Variants in CORIN observed in about 807,000 individuals in gnomAD.
The protein encoded by CORIN is corin, serine peptidase.
In CORIN, 117 loss-of-function variants were observed where a neutral mutation model predicts 125.3. The ratio of observed to expected loss-of-function variants is 0.93; its 90% confidence interval spans 0.80 to 1.09. The LOEUF (loss-of-function observed/expected upper bound fraction) is 1.09, where lower values mean the gene tolerates loss of function less well. CORIN is among the 50% of genes least tolerant of loss of function. The pLI, the probability that CORIN is intolerant of heterozygous loss-of-function variation, is 0.00. For synonymous variants in CORIN, 450 were observed against 466.4 expected, an observed-to-expected ratio of 0.96 and a Z score of 0.45; for missense variants, 1,253 against 1,306.7, an observed-to-expected ratio of 0.96 and a Z score of 0.63.
intron 20 of CORIN, 77 bp from the exon 21 acceptor site, chr4:47,600,424 A>G (rs1215278788): frequency 1.1e-6 from 1 of 899,380 alleles, no homozygotes; most frequent in Non-Finnish European, 1.6e-6. Context: ...CTAGCCAAAT[A>G]TGAAATGCAA....
rs1195981483 is a variant in CORIN, at chr4:47,832,982, A to G, written c.63+4905T>C. On this transcript the variant is annotated intron_variant, in intron 1 of 21. Coordinates refer to ENST00000273857, the MANE Select transcript of CORIN (RefSeq NM_006587.4). ...ACCACAATTGGCTAAGAGCTACTCC[A>G]TTGCATCACATGGCTCTAGAGTCAC... 2.0e-5 allele frequency among the ~76,000 whole-genome samples: 3 copies of G among 152,194 alleles called. No individual in the cohort carries two copies. In the East Asian group the frequency reaches 5.8e-4, roughly 29 times the overall value.
rs1023357003 is a variant in CORIN at position 47,706,333 on chromosome 4, T to C, written c.800-13250A>G. 10 of 1,473,818 alleles carry C rather than the reference T, an allele frequency of 6.8e-6. No homozygotes were observed. The African/African-American group carries it at 9.7e-5, about 14-fold the overall frequency. The allele number at this position is 1,473,818 out of a possible 1,614,324, so 91.3% of individuals were successfully genotyped here. A position where few individuals can be genotyped will look rare whatever the true frequency, so the allele number is the denominator to read the frequency against. On this transcript the variant is annotated intron_variant, in intron 5 of 21. Coordinates refer to ENST00000273857, the MANE Select transcript of CORIN (RefSeq NM_006587.4). Reference sequence around the variant, plus strand: ...GGACTTTCAAGAAAACTACCAACTTTTGCCTTTCCGTCTGGCGGCAGCCAT... The same window carrying C: ...GGACTTTCAAGAAAACTACCAACTTCTGCCTTTCCGTCTGGCGGCAGCCAT...
At chr4:47,757,878 G>GTGTGTATATATATATATA (rs754526773) in intron 4 of CORIN, among the ~76,000 whole-genome samples, 1 of 123,914 alleles carries the variant, frequency 8.1e-6, no homozygotes, top group African/African-American at 3.3e-5. Context: ...ATATATATAT[G>GTGTGTATATATATATATA]TATATATATA....
intron 5 of CORIN, among the ~76,000 whole-genome samples, chr4:47,714,045 TACCAATGGAACTGGGTTCAAGC>T (rs1057009814): frequency 3.3e-5 from 5 of 152,176 alleles, no homozygotes; most frequent in African/African-American, 7.2e-5. Flanking sequence ...CACGGGGTTT[TACCAATGGAACTGGGTTCAAGC>T]ACCAGCTCTG....
chr4:47,719,351 C>T (rs1264267091), intron 5 of CORIN, among the ~76,000 whole-genome samples: 1 of 152,064 alleles, frequency 6.6e-6, no homozygotes, highest in African/African-American at 2.4e-5. Context: ...AAACAATCCC[C>T]AGCACATAGC....
intron 5 of CORIN, among the ~76,000 whole-genome samples, chr4:47,718,021 G>A (rs1365719598): frequency 6.6e-6 from 1 of 152,146 alleles, no homozygotes; most frequent in South Asian, 2.1e-4. Context: ...GAAGCAAATG[G>A]GCACAGTATT....
At chr4:47,773,348 A>G (rs1408735684) in intron 3 of CORIN, among the ~76,000 whole-genome samples, 1 of 152,198 alleles carries the variant, frequency 6.6e-6, no homozygotes, top group Non-Finnish European at 1.5e-5. Context: ...AGGTGATGAG[A>G]TCTCAGTAGA....
intron 2 of CORIN, among the ~76,000 whole-genome samples, 182 bp from the exon 3 acceptor site, chr4:47,787,107 A>T (rs1277045502): frequency 1.3e-5 from 2 of 152,186 alleles, no homozygotes; most frequent in South Asian, 2.1e-4. Flanking sequence ...CAACCACAAA[A>T]CCAAGAGTTT....
intron 3 of CORIN, among the ~76,000 whole-genome samples, chr4:47,780,770 A>G (rs1277142701): frequency 6.6e-6 from 1 of 152,158 alleles, no homozygotes; most frequent in Admixed American, 6.6e-5. Context: ...CAGAGCAGTT[A>G]AAGGAACAGA....
At chr4:47,770,027 C>CT (rs1729949997) in intron 3 of CORIN, among the ~76,000 whole-genome samples, 1 of 152,000 alleles carries the variant, frequency 6.6e-6, no homozygotes, top group Admixed American at 6.6e-5. Flanking sequence ...TTACATCAAA[C>CT]TAAAAAGCTT....
At chr4:47,621,060 A>G (rs1722289880) in intron 19 of CORIN, among the ~76,000 whole-genome samples, 1 of 152,198 alleles carries the variant, frequency 6.6e-6, no homozygotes, top group African/African-American at 2.4e-5. Context: ...CATTTAAATA[A>G]AGTAAAATTA....
At chr4:47,758,551 A>G (rs534919946) in intron 4 of CORIN, among the ~76,000 whole-genome samples, 1 of 152,366 alleles carries the variant, frequency 6.6e-6, no homozygotes, top group East Asian at 1.9e-4. Flanking sequence ...AGCTGGAGGC[A>G]TCACACTACC....
intron 16 of CORIN, among the ~76,000 whole-genome samples, chr4:47,633,039 C>A (rs551234765): frequency 6.6e-6 from 1 of 152,114 alleles, no homozygotes; most frequent in Admixed American, 6.5e-5. Flanking sequence ...GCCTCAGCCT[C>A]CCAGAGTGCT....
chr4:47,828,339 T>G (rs545312619), intron 1 of CORIN, among the ~76,000 whole-genome samples: 1 of 152,308 alleles, frequency 6.6e-6, no homozygotes, highest in East Asian at 1.9e-4. Flanking sequence ...AACCAAACTT[T>G]GATTAGAAGC....
intron 5 of CORIN, among the ~76,000 whole-genome samples, chr4:47,714,153 A>C (rs1170139146): frequency 6.6e-6 from 1 of 152,238 alleles, no homozygotes; most frequent in African/African-American, 2.4e-5. Context: ...ATGCAGAGTT[A>C]TTTTAAAGAT....
At position 47,734,410 on chromosome 4, in the gene CORIN, C is replaced by T. The variant is rs191462294; in HGVS notation, c.799+9992G>A. ...ACAGTGCCGAATATCTTCACCAGAACACCTTCTTCCGTCCCCTTTGCTAAG... is the reference window on the plus strand; with the variant it reads ...ACAGTGCCGAATATCTTCACCAGAATACCTTCTTCCGTCCCCTTTGCTAAG... On this transcript the variant is annotated intron_variant, in intron 5 of 21. Transcript: ENST00000273857. 1.3e-3 allele frequency among the ~76,000 whole-genome samples: 199 copies of T among 152,328 alleles called. 1 individual carries two copies. The highest frequency in any genetic ancestry group is 4.6e-3 in the African/African-American group (192 of 41,574).
Position 47,819,275 on chromosome 4 carries a change from C to A in CORIN, c.64-12228G>T, listed in dbSNP as rs559226708. Among the ~76,000 whole-genome samples, 7 of 152,210 alleles carry A rather than the reference C, an allele frequency of 4.6e-5. No homozygotes were observed. In the South Asian group the frequency reaches 6.2e-4, roughly 14 times the overall value. ...GCATTCAGCAGACCCAAAATCTACT[C>A]ATATTTCTCACTATGGGAGACTTCA... On this transcript the variant is annotated intron_variant, in intron 1 of 21. Coordinates refer to ENST00000273857, the MANE Select transcript of CORIN (RefSeq NM_006587.4).
chr4:47,697,010 G>C (rs1314788574), intron 5 of CORIN, among the ~76,000 whole-genome samples: 1 of 152,162 alleles, frequency 6.6e-6, no homozygotes, highest in Admixed American at 6.5e-5. Flanking sequence ...CCTCGGAAGA[G>C]AAAGCTGACA....
At chr4:47,760,657 T>C (rs894171056) in intron 4 of CORIN, among the ~76,000 whole-genome samples, 18 of 152,318 alleles carry the variant, frequency 1.2e-4, no homozygotes, top group Non-Finnish European at 2.6e-4. Flanking sequence ...TCAGCTGAAT[T>C]AGACCTTAAC....
Sources: allele counts gnomAD v4.1 joint callset (sites outside exome capture counted in the v4.1 genomes callset), GRCh38; gene constraint gnomAD v4.1.1; transcripts MANE v1.5; gene names NCBI Gene and HGNC (gene_info 2026-07-23, HGNC 2026-07-21).